SPECC1: variants seen among roughly 807,000 people sequenced by gnomAD.
The protein encoded by SPECC1 is sperm antigen with calponin homology and coiled-coil domains 1, also known as cytospin-B.
A neutral mutation model predicts 104.1 loss-of-function variants in SPECC1; 62 were observed. That is an observed-to-expected ratio of 0.60 (90% CI 0.49 to 0.74). The LOEUF (loss-of-function observed/expected upper bound fraction) is 0.74, where lower values mean the gene tolerates loss of function less well. Among genes scored for constraint, SPECC1 ranks in the 30% least tolerant of loss-of-function variants. The pLI is 0.00. For missense variants in SPECC1, 1,306 were observed against 1,310.5 expected (o/e 1.00, Z 0.05); for synonymous variants, 513 against 501.6 (o/e 1.02, Z -0.30).
intron 3 of SPECC1, among the ~76,000 whole-genome samples, chr17:20,160,957 CAGA>C (rs2033088588): frequency 6.6e-6 from 1 of 152,190 alleles, no homozygotes; most frequent in Admixed American, 6.5e-5. Context: ...TAGTGGTATA[CAGA>C]AGTTTACTGT....
intron 3 of SPECC1, among the ~76,000 whole-genome samples, chr17:20,117,725 A>G (rs1267549010): frequency 1.3e-5 from 2 of 151,086 alleles, no homozygotes; most frequent in South Asian, 2.1e-4. Context: ...AAAAAAAGAA[A>G]AGGAAAAATA....
intron 1 of SPECC1, among the ~76,000 whole-genome samples, chr17:20,034,575 G>A (rs565207693): frequency 8.9e-4 from 134 of 150,356 alleles, no homozygotes; most frequent in Admixed American, 2.6e-3. Flanking sequence ...TCTTTACCTC[G>A]CCTTACATCC....
chr17:20,232,469 G>C, intron 7 of SPECC1, 64 bp downstream of exon 7: 1 of 1,517,378 alleles, frequency 6.6e-7, no homozygotes, highest in East Asian at 2.4e-5. Flanking sequence ...GCTCCCTGGT[G>C]GGGATGGGAC....
In SPECC1 at chr17:20,131,797, G is replaced by A. The variant is rs141935975; in HGVS notation, c.283+21235G>A. Among the ~76,000 whole-genome samples the A allele has an allele frequency of 3.3e-3, 498 of 151,794 alleles. 19 individuals carry two copies. The East Asian group carries it at 0.084, about 26-fold the overall frequency. ...TCCAAGTAGCTGGGATTACAGGTGC[G>A]CACCACCACGCCTGGCTAATTTTTT... On this transcript the variant is annotated intron_variant, in intron 3 of 14. Transcript: ENST00000395527.
intron 4 of SPECC1, among the ~76,000 whole-genome samples, chr17:20,211,123 C>T (rs574341066): frequency 6.4e-4 from 98 of 152,318 alleles, no homozygotes; most frequent in Non-Finnish European, 1.0e-3. Context: ...TTCAGATGTG[C>T]AGGCAAAACT....
intron 14 of SPECC1, among the ~76,000 whole-genome samples, chr17:20,308,858 G>T (rs1439395952): frequency 6.6e-6 from 1 of 152,180 alleles, no homozygotes; most frequent in Admixed American, 6.5e-5. Context: ...TAAGGATAAA[G>T]ATACAATGAG....
intron 5 of SPECC1, among the ~76,000 whole-genome samples, chr17:20,227,872 G>A (rs745703204): frequency 1.3e-5 from 2 of 152,082 alleles, no homozygotes; most frequent in African/African-American, 2.4e-5. Flanking sequence ...CCGAGATTGC[G>A]CCACTGCAAA....
chr17:20,038,590 C>CG (rs2045193985), intron 1 of SPECC1, among the ~76,000 whole-genome samples: 2 of 151,822 alleles, frequency 1.3e-5, no homozygotes, highest in South Asian at 4.2e-4. Flanking sequence ...TTAGTTGAGA[C>CG]GGGGTTTCAC....
intron 12 of SPECC1, among the ~76,000 whole-genome samples, chr17:20,282,612 T>C (rs1241086092): frequency 6.6e-6 from 1 of 152,000 alleles, no homozygotes; most frequent in Non-Finnish European, 1.5e-5. Flanking sequence ...CTGATGAAAG[T>C]GGGTTGCCCT....
intron 12 of SPECC1, among the ~76,000 whole-genome samples, chr17:20,295,506 G>A (rs1019771017): frequency 5.3e-5 from 8 of 152,218 alleles, no homozygotes; most frequent in East Asian, 1.9e-4. Flanking sequence ...TTATAGCAGC[G>A]TGATTTATAA....
At chr17:20,048,136 C>CTTTTTTTT (rs543097038) in intron 1 of SPECC1, among the ~76,000 whole-genome samples, 6 of 139,902 alleles carry the variant, frequency 4.3e-5, no homozygotes, top group African/African-American at 1.6e-4. Flanking sequence ...AGAAATGAGT[C>CTTTTTTTT]TTTTTTTTTT....
At chr17:20,228,153 A>G (rs371829868) in intron 5 of SPECC1, among the ~76,000 whole-genome samples, 3 of 152,346 alleles carry the variant, frequency 2.0e-5, no homozygotes, top group East Asian at 3.9e-4. Flanking sequence ...GCTGTTGAAC[A>G]TGAGTCAGCA....
chr17:20,040,742 A>C (rs540343086), intron 1 of SPECC1, among the ~76,000 whole-genome samples: 117 of 152,280 alleles, frequency 7.7e-4, no homozygotes, highest in African/African-American at 2.6e-3. Context: ...ACTGCTTTCA[A>C]GACGTTTTCT....
At chr17:20,209,686 C>T (rs759729505) in intron 4 of SPECC1, among the ~76,000 whole-genome samples, 11 of 152,084 alleles carry the variant, frequency 7.2e-5, no homozygotes, top group Admixed American at 1.3e-4. Context: ...ACTTTGAGGA[C>T]GGGTCTGATT....
At chr17:20,028,559 ATATGTATG>A (rs1261714428) in intron 1 of SPECC1, among the ~76,000 whole-genome samples, 1 of 149,982 alleles carries the variant, frequency 6.7e-6, no homozygotes, top group Non-Finnish European at 1.5e-5. Flanking sequence ...TATTCCATTG[ATATGTATG>A]TATGTATGTG....
chr17:20,168,042 A>G lies in SPECC1; in HGVS notation c.284-36291A>G, dbSNP rs139338059. On this transcript the variant is annotated intron_variant, in intron 3 of 14. Transcript: ENST00000395527. ...GCCAAAATTATGAAGGTGATATTCA[A>G]ATAATAGAAACTTGAAAAATATTCC... Among the ~76,000 whole-genome samples the G allele has an allele frequency of 2.7e-3, 415 of 152,340 alleles. 1 individual carries two copies. The highest frequency in any genetic ancestry group is 8.9e-3 in the African/African-American group (370 of 41,582).
At chr17:20,196,499 G>A (rs1256602376) in intron 3 of SPECC1, among the ~76,000 whole-genome samples, 3 of 151,834 alleles carry the variant, frequency 2.0e-5, no homozygotes, top group Admixed American at 1.3e-4. Context: ...CATTTAGGAG[G>A]CCTAACAACC....
intron 3 of SPECC1, among the ~76,000 whole-genome samples, chr17:20,182,279 A>G (rs1214522900): frequency 6.6e-6 from 1 of 151,658 alleles, no homozygotes; most frequent in Non-Finnish European, 1.5e-5. Flanking sequence ...ATGTCCCGCT[A>G]AACTTTTTGT....
chr17:20,306,240 A>G (rs1367545857), intron 14 of SPECC1, 158 bp downstream of exon 14: 2 of 574,468 alleles, frequency 3.5e-6, no homozygotes, highest in African/African-American at 1.9e-5. Context: ...ATATAATCAC[A>G]TATCAACATA....
Sources: gnomAD v4.1 joint callset for allele counts (sites outside exome capture counted in the v4.1 genomes callset) on GRCh38, gnomAD v4.1.1 for gene constraint, MANE v1.5 for transcripts, NCBI Gene and HGNC (gene_info 2026-07-23, HGNC 2026-07-21) for gene names.